GLIS3: variants seen among roughly 807,000 people sequenced by gnomAD.
GLIS3 encodes the protein zinc finger protein GLIS3.
A neutral mutation model predicts 78.6 loss-of-function variants in GLIS3; 53 were observed. That is an observed-to-expected ratio of 0.67 (90% CI 0.54 to 0.85). The LOEUF (loss-of-function observed/expected upper bound fraction) is 0.85. GLIS3 is among the 40% of genes least tolerant of loss of function. The probability of loss-of-function intolerance (pLI) is 0.00; values close to 1 mark genes in which losing one functional copy is unlikely to be tolerated. For missense variants in GLIS3, 1,703 were observed against 1,231.1 expected, an observed-to-expected ratio of 1.38 and a Z score of -5.74; for synonymous variants, 684 against 509.9, an observed-to-expected ratio of 1.34 and a Z score of -4.60.
rs565626782 is a variant in GLIS3, at chr9:4,261,477, A to G, written c.388+24561T>C. Among the ~76,000 whole-genome samples the G allele has an allele frequency of 2.6e-5, 4 of 152,290 alleles. No individual in the cohort carries two copies. The South Asian group carries it at 8.3e-4, about 32-fold the overall frequency. On this transcript the variant is annotated intron_variant, in intron 2 of 10. Transcript: ENST00000381971. ...GATTAGGAAGAAACAGAGGTAGGGA[A>G]GAATATCTCTATGGTAGAATAAAAC...
At chr9:4,259,574 C>G (rs1289098446) in intron 2 of GLIS3, among the ~76,000 whole-genome samples, 2 of 152,212 alleles carry the variant, frequency 1.3e-5, no homozygotes, top group Non-Finnish European at 2.9e-5. Context: ...AATCCTATCC[C>G]TTCGTCCTCA....
chr9:4,469,347 C>G, the GLIS3 span, among the ~76,000 whole-genome samples: 1 of 152,114 alleles, frequency 6.6e-6, no homozygotes, highest in African/African-American at 2.4e-5. Context: ...TTTTGAGCAC[C>G]ACACAATACC....
the GLIS3 span, among the ~76,000 whole-genome samples, chr9:4,376,606 A>G: frequency 0.034 from 4,622 of 135,240 alleles, 906 homozygotes; most frequent in African/African-American, 0.11. Context: ...GTTCCGTCCT[A>G]ATATGCCAGT....
rs75185076 is a variant in GLIS3, at chr9:4,254,214, G to A, written c.388+31824C>T. Among the ~76,000 whole-genome samples the A allele has an allele frequency of 4.8e-3, 731 of 152,260 alleles. 23 individuals are homozygous for A. The highest frequency in any genetic ancestry group is 0.041 in the Admixed American group (634 of 15,292). On this transcript the variant is annotated intron_variant, in intron 2 of 10. Transcript: ENST00000381971. ...CAAACATAAATAAGATTAAAGCCCT[G>A]TTTAATAACCTCTATTAGTAAAACC...
chr9:4,198,525 A>G (rs531976670), intron 2 of GLIS3, among the ~76,000 whole-genome samples: 45 of 152,336 alleles, frequency 3.0e-4, no homozygotes, highest in African/African-American at 1.1e-3. Flanking sequence ...AAGAATTTTA[A>G]AAATGAACAG....
At chr9:3,915,595 A>C (rs1310358793) in intron 6 of GLIS3, among the ~76,000 whole-genome samples, 1 of 152,098 alleles carries the variant, frequency 6.6e-6, no homozygotes, top group Non-Finnish European at 1.5e-5. Context: ...TTTTGTTCTC[A>C]AGGTCTACAA....
intron 2 of GLIS3, among the ~76,000 whole-genome samples, chr9:4,154,273 G>C (rs1834893965): frequency 6.6e-6 from 1 of 152,170 alleles, no homozygotes; most frequent in African/African-American, 2.4e-5. Context: ...ACATAAGAGT[G>C]GGAGCGTCAC....
the GLIS3 span, among the ~76,000 whole-genome samples, chr9:4,472,089 T>C: frequency 6.6e-6 from 1 of 152,152 alleles, no homozygotes; most frequent in Non-Finnish European, 1.5e-5. Context: ...ATGGCAGTCA[T>C]TAAAAAGTCA....
At chr9:3,917,149 C>G (rs1824565492) in intron 6 of GLIS3, among the ~76,000 whole-genome samples, 1 of 152,160 alleles carries the variant, frequency 6.6e-6, no homozygotes, top group Admixed American at 6.5e-5. Flanking sequence ...GAAATACTAG[C>G]CAGGAAATGA....
the GLIS3 span, among the ~76,000 whole-genome samples, chr9:4,456,476 C>A: frequency 1.5e-3 from 231 of 152,330 alleles, no homozygotes; most frequent in African/African-American, 5.3e-3. Context: ...ACTACTAAAA[C>A]TTTCTCGCTA....
At chr9:3,958,474 T>C (rs1817311105) in intron 4 of GLIS3, among the ~76,000 whole-genome samples, 1 of 152,188 alleles carries the variant, frequency 6.6e-6, no homozygotes, top group African/African-American at 2.4e-5. Context: ...GGAGTCAGAC[T>C]GATGTACCTA....
At chr9:4,266,832 T>A (rs1053330288) in intron 2 of GLIS3, among the ~76,000 whole-genome samples, 1 of 152,230 alleles carries the variant, frequency 6.6e-6, no homozygotes, top group Admixed American at 6.5e-5. Flanking sequence ...AAACTATTCT[T>A]TTCTTCTAAA....
At chr9:4,144,010 G>T (rs918326150) in intron 2 of GLIS3, among the ~76,000 whole-genome samples, 1 of 152,164 alleles carries the variant, frequency 6.6e-6, no homozygotes, top group Non-Finnish European at 1.5e-5. Flanking sequence ...CCTTAGTATG[G>T]AAAGATTTTC....
At chr9:4,072,551 AAT>A (rs1251834610) in intron 4 of GLIS3, among the ~76,000 whole-genome samples, 1 of 152,176 alleles carries the variant, frequency 6.6e-6, no homozygotes, top group Admixed American at 6.5e-5. Context: ...AACATTTAAA[AAT>A]AGTCATTATT....
the GLIS3 span, among the ~76,000 whole-genome samples, chr9:4,381,316 T>C: frequency 0.036 from 5,460 of 152,304 alleles, 311 homozygotes; most frequent in African/African-American, 0.12. Context: ...TACATGATTA[T>C]TGCTTGCAGT....
At chr9:4,059,827 T>TGAGAGA (rs1252079860) in intron 4 of GLIS3, among the ~76,000 whole-genome samples, 84 of 106,772 alleles carry the variant, frequency 7.9e-4, no homozygotes, top group African/African-American at 2.6e-3. Flanking sequence ...TGTGTGTGTG[T>TGAGAGA]GTGAGAGAGA....
At chr9:4,345,885 G>A (rs1437517258) in intron 2 of GLIS3, among the ~76,000 whole-genome samples, 4 of 152,092 alleles carry the variant, frequency 2.6e-5, no homozygotes, top group Admixed American at 6.5e-5. Flanking sequence ...AAGCATCAGA[G>A]CACAATTTGA....
chr9:4,275,575 CACA>C (rs1826909993), intron 2 of GLIS3, among the ~76,000 whole-genome samples: 2 of 149,134 alleles, frequency 1.3e-5, no homozygotes, highest in South Asian at 4.3e-4. Context: ...TCCTGGGCAA[CACA>C]ACAAGATCCC....
chr9:4,352,623 C>T (rs991642225), upstream of GLIS3, among the ~76,000 whole-genome samples: 1 of 152,248 alleles, frequency 6.6e-6, no homozygotes, highest in East Asian at 1.9e-4. Context: ...CTTTGGCCAT[C>T]ACCAGCTTTT....
Sources: allele counts gnomAD v4.1 joint callset (sites outside exome capture counted in the v4.1 genomes callset), GRCh38; gene constraint gnomAD v4.1.1; transcripts MANE v1.5; gene names NCBI Gene and HGNC (gene_info 2026-07-23, HGNC 2026-07-21).